The following YIPF1 variants were observed in gnomAD, a reference collection of about 807,000 sequenced individuals.
The protein encoded by YIPF1 is protein YIPF1.
In YIPF1, 22 loss-of-function variants were observed where a neutral mutation model predicts 37.0. That is an observed-to-expected ratio of 0.59 (90% CI 0.42 to 0.85). The LOEUF is 0.85. Ranked by LOEUF, YIPF1 falls within the 40% of genes least tolerant of loss-of-function variation. The probability of loss-of-function intolerance (pLI) is 0.00; values close to 1 mark genes in which losing one functional copy is unlikely to be tolerated. For missense variants in YIPF1, 355 were observed against 373.1 expected (o/e 0.95, Z 0.40); for synonymous variants, 128 against 131.9 (o/e 0.97, Z 0.21).
intron 7 of YIPF1, among the ~76,000 whole-genome samples, chr1:53,867,732 T>C (rs911300308): frequency 1.2e-4 from 19 of 152,248 alleles, no homozygotes; most frequent in Non-Finnish European, 5.9e-5. Context: ...GCATGCTCTC[T>C]AGAGTTCCTC....
chr1:53,887,742 TG>T (rs1263777902), intron 3 of YIPF1, among the ~76,000 whole-genome samples: 1 of 152,228 alleles, frequency 6.6e-6, no homozygotes, highest in Non-Finnish European at 1.5e-5. Flanking sequence ...CCAGACTGGA[TG>T]GGTTCAAATC....
intron 6 of YIPF1, among the ~76,000 whole-genome samples, chr1:53,873,670 C>T (rs1207686831): frequency 6.8e-6 from 1 of 148,146 alleles, no homozygotes; most frequent in Non-Finnish European, 1.5e-5. Context: ...GCCTTGGCAA[C>T]ACAGCAAGAC....
chr1:53,860,817 T>A (rs1181097), intron 9 of YIPF1, among the ~76,000 whole-genome samples: 64,249 of 151,974 alleles, frequency 0.42, 14,270 homozygotes, highest in East Asian at 0.56. Flanking sequence ...CGGTCAAAAG[T>A]CAGAAGGAGG....
intron 9 of YIPF1, 149 bp from the exon 10 acceptor site, chr1:53,860,302 C>A: frequency 1.4e-6 from 1 of 719,104 alleles, no homozygotes; most frequent in Non-Finnish European, 2.3e-6. Flanking sequence ...CTACAACCAT[C>A]TCTGTTTACG....
chr1:53,865,350 A>G (rs188016737), intron 9 of YIPF1, among the ~76,000 whole-genome samples: 32 of 152,302 alleles, frequency 2.1e-4, no homozygotes, highest in African/African-American at 7.7e-4. Context: ...AGGCTCAACC[A>G]ACCACGATGA....
At chr1:53,866,660 T>C in intron 8 of YIPF1, 98 bp downstream of exon 8, 1 of 1,403,900 alleles carries the variant, frequency 7.1e-7, no homozygotes, top group Admixed American at 2.3e-5. Context: ...AACATGAGTA[T>C]TGCGCTGGAA....
chr1:53,867,396 A>T (rs1650058798), intron 7 of YIPF1, among the ~76,000 whole-genome samples: 1 of 132,710 alleles, frequency 7.5e-6, no homozygotes, highest in Non-Finnish European at 1.6e-5. Flanking sequence ...TTTTTGAGAC[A>T]GAGTCTTGCT....
Position 53,888,919 on chromosome 1 carries a change from A to T in YIPF1, c.19T>A (p.Leu7Met), listed in dbSNP as rs967564913. Residue 7 changes from leucine (L) to methionine (M), a missense_variant, in exon 3 of 11, where the codon TTG (leucine) becomes ATG (methionine). By Grantham distance (15) the Leu-to-Met change is conservative. Transcript: ENST00000072644. ...CCAACTGGTATACCTTCAAATTGCAAGTCATCTACTGCTGCCATTCGGCCA... is the reference window on the plus strand; with the variant it reads ...CCAACTGGTATACCTTCAAATTGCATGTCATCTACTGCTGCCATTCGGCCA... MAAVDD[L>M]QFEEFGNAAT... is the part of the protein sequence containing the mutation. 6.3e-7 allele frequency: 1 copy of T among 1,593,590 alleles called. No individual in the cohort carries two copies. Among genetic ancestry groups the T allele is most frequent in the African/African-American group, 1.3e-5 (1 of 74,888 alleles).
At chr1:53,888,741 A>ACC (rs1270275833) in intron 3 of YIPF1, among the ~76,000 whole-genome samples, 166 bp downstream of exon 3, 1 of 152,246 alleles carries the variant, frequency 6.6e-6, no homozygotes, top group Non-Finnish European at 1.5e-5. Context: ...ACAAAAACAA[A>ACC]AACAGCTGGT....
chr1:53,862,178 C>G (rs1328944374), intron 9 of YIPF1, among the ~76,000 whole-genome samples: 1 of 152,190 alleles, frequency 6.6e-6, no homozygotes, highest in Non-Finnish European at 1.5e-5. Flanking sequence ...CTGTAACAGG[C>G]CATTTTATCC....
chr1:53,883,820 C>T lies in YIPF1; in HGVS notation c.32-544G>A, dbSNP rs1330209033. ...TGGGAGGCCAAGGCAGGCGGATCAC[C>T]TGAGGTCAGGAGTTCGACCAGCCTG... On this transcript the variant is annotated intron_variant, in intron 3 of 10. Coordinates refer to ENST00000072644, the MANE Select transcript of YIPF1 (RefSeq NM_018982.5). Among the ~76,000 whole-genome samples the T allele has an allele frequency of 4.6e-5, 7 of 150,970 alleles. No individual in the cohort carries two copies. In the East Asian group the frequency reaches 1.4e-3, roughly 30 times the overall value.
At chr1:53,857,175 T>G (rs958730856) in intron 10 of YIPF1, among the ~76,000 whole-genome samples, 2 of 152,212 alleles carry the variant, frequency 1.3e-5, no homozygotes, top group African/African-American at 4.8e-5. Flanking sequence ...AGGCAGATCT[T>G]TTCCCAGTCT....
At chr1:53,875,293 T>C (rs762752764) in intron 6 of YIPF1, among the ~76,000 whole-genome samples, 7 of 152,104 alleles carry the variant, frequency 4.6e-5, no homozygotes, top group South Asian at 2.1e-4. Context: ...GGCAGGAGGA[T>C]TGCTTGAGGC....
intron 6 of YIPF1, among the ~76,000 whole-genome samples, chr1:53,873,977 G>C (rs1050208430): frequency 6.6e-6 from 1 of 152,142 alleles, no homozygotes; most frequent in African/African-American, 2.4e-5. Context: ...AATATTTTCA[G>C]GTGGCCTGAA....
At chr1:53,865,000 C>T (rs1399826985) in intron 9 of YIPF1, among the ~76,000 whole-genome samples, 1 of 152,140 alleles carries the variant, frequency 6.6e-6, no homozygotes, top group South Asian at 2.1e-4. Flanking sequence ...GTGACAGAGC[C>T]GGTCTTCAAT....
intron 6 of YIPF1, among the ~76,000 whole-genome samples, chr1:53,876,021 A>G (rs903398502): frequency 2.0e-5 from 3 of 152,206 alleles, no homozygotes; most frequent in Non-Finnish European, 2.9e-5. Context: ...CTGTATCTCC[A>G]GTACAATAGC....
chr1:53,875,752 C>A (rs1428177274), intron 6 of YIPF1, among the ~76,000 whole-genome samples: 2 of 152,166 alleles, frequency 1.3e-5, no homozygotes, highest in Non-Finnish European at 2.9e-5. Flanking sequence ...ACTTGCTGAT[C>A]CTTCTGTTTC....
chr1:53,875,332 T>C (rs1383394234), intron 6 of YIPF1, among the ~76,000 whole-genome samples: 3 of 152,026 alleles, frequency 2.0e-5, no homozygotes, highest in South Asian at 2.1e-4. Context: ...CTGGACAACA[T>C]AGTGAGACCC....
intron 6 of YIPF1, 63 bp downstream of exon 6, chr1:53,878,252 G>T: frequency 6.5e-7 from 1 of 1,541,346 alleles, no homozygotes; most frequent in Non-Finnish European, 8.9e-7. Context: ...CACATTTCCA[G>T]GCAACCCTCA....
Sources: allele counts gnomAD v4.1 joint callset (sites outside exome capture counted in the v4.1 genomes callset), GRCh38; gene constraint gnomAD v4.1.1; transcripts MANE v1.5; gene names NCBI Gene and HGNC (gene_info 2026-07-23, HGNC 2026-07-21).